The following PAX5 variants were observed in gnomAD, a reference collection of about 807,000 sequenced individuals.
PAX5 encodes the protein paired box protein Pax-5.
In PAX5, 9 loss-of-function variants were observed where a neutral mutation model predicts 43.7. The observed-to-expected ratio is 0.21, with a 90% CI of 0.12 to 0.36. PAX5 has a LOEUF of 0.36. Among genes scored for constraint, PAX5 ranks in the 10% least tolerant of loss-of-function variants. The pLI, the probability that PAX5 is intolerant of heterozygous loss-of-function variation, is 1.00. For synonymous variants in PAX5, 228 were observed against 214.3 expected, an observed-to-expected ratio of 1.06 and a Z score of -0.56; for missense variants, 383 against 532.7, an observed-to-expected ratio of 0.72 and a Z score of 2.77.
intron 2 of PAX5, among the ~76,000 whole-genome samples, chr9:37,017,631 G>T (rs1839493066): frequency 6.6e-6 from 1 of 152,234 alleles, no homozygotes; most frequent in African/African-American, 2.4e-5. Context: ...AGTTGAATGG[G>T]ACTGCAACAT....
chr9:36,893,465 A>G (rs1563939566), intron 7 of PAX5: 1 of 152,800 alleles, frequency 6.5e-6, no homozygotes, highest in Non-Finnish European at 1.5e-5. Flanking sequence ...GTGGGCACAA[A>G]GCCTGTCCCT....
At chr9:36,898,563 A>G (rs3758158) in intron 7 of PAX5, among the ~76,000 whole-genome samples, 1 of 152,344 alleles carries the variant, frequency 6.6e-6, no homozygotes, top group East Asian at 1.9e-4. Flanking sequence ...GAGAATTAAA[A>G]CATGCAATCA....
In PAX5 at chr9:37,033,753, C is replaced by T. The variant is rs373111915; in HGVS notation, c.46+233G>A. 4.6e-5 allele frequency among the ~76,000 whole-genome samples: 7 copies of T among 152,310 alleles called. No individual in the cohort carries two copies. In the East Asian group the frequency reaches 9.6e-4, roughly 21 times the overall value. On this transcript the variant is annotated intron_variant, in intron 1 of 9. Transcript: ENST00000358127. ...CCTAACTTGCAGACCCCCGGAAGGA[C>T]GCCAGCGTGAACATTCAGAAACAGA...
At chr9:36,931,953 G>A (rs1210324189) in intron 6 of PAX5, among the ~76,000 whole-genome samples, 1 of 152,034 alleles carries the variant, frequency 6.6e-6, no homozygotes, top group Non-Finnish European at 1.5e-5. Context: ...CTTTGTGGAT[G>A]TGATAGTGGT....
In PAX5 at chr9:36,835,528, A is replaced by C. The variant is rs1587707091; in HGVS notation, c.*5032T>G. On this transcript the variant is annotated 3_prime_UTR_variant, in exon 10 of 10. Transcript: ENST00000358127. Reference sequence around the variant, plus strand: ...TGTGGTTCCCCCATGAATATGCAAGAGGGAACCCTGAGGTTTGGGGCAACA... The same window carrying C: ...TGTGGTTCCCCCATGAATATGCAAGCGGGAACCCTGAGGTTTGGGGCAACA... The C allele has an allele frequency of 1.7e-5, 4 of 233,052 alleles. No homozygotes were observed. In the East Asian group the frequency reaches 2.4e-4, roughly 14 times the overall value. 14.4% of individuals were successfully genotyped at this position (233,052 alleles called of 1,614,324 possible).
chr9:36,987,595 T>G (rs1261450043), intron 5 of PAX5, among the ~76,000 whole-genome samples: 5 of 152,208 alleles, frequency 3.3e-5, no homozygotes, highest in Non-Finnish European at 5.9e-5. Context: ...AAGCCCCGCC[T>G]TGAAGGCCTT....
At chr9:36,995,467 G>T (rs1344726182) in intron 5 of PAX5, among the ~76,000 whole-genome samples, 3 of 152,250 alleles carry the variant, frequency 2.0e-5, no homozygotes, top group Admixed American at 2.0e-4. Flanking sequence ...TGAGGTCAGT[G>T]CGGGGGGACG....
intron 6 of PAX5, among the ~76,000 whole-genome samples, chr9:36,951,031 T>C (rs1418338018): frequency 1.3e-5 from 2 of 152,150 alleles, no homozygotes; most frequent in African/African-American, 2.4e-5. Flanking sequence ...CGTGAGCCAC[T>C]GCATGAATTT....
chr9:36,834,176 C>G lies in PAX5; in HGVS notation c.*6384G>C, dbSNP rs908239449. Reference sequence around the variant, plus strand: ...CCTCAGCCCAACCTTGGAGGCCCAGCAGCTGGGGCTGAGAAGTGGGGCCCA... The same window carrying G: ...CCTCAGCCCAACCTTGGAGGCCCAGGAGCTGGGGCTGAGAAGTGGGGCCCA... On this transcript the variant is annotated 3_prime_UTR_variant, in exon 10 of 10. Transcript: ENST00000358127. The G allele has an allele frequency of 1.3e-5, 3 of 233,188 alleles. No homozygotes were observed. The highest frequency in any genetic ancestry group is 4.4e-5 in the African/African-American group (2 of 45,342). The allele number at this position is 233,188 out of a possible 1,614,324, so 14.4% of individuals were successfully genotyped here.
chr9:36,838,711 A>G lies in PAX5; in HGVS notation c.*1849T>C. 3 of 233,104 alleles carry G rather than the reference A, an allele frequency of 1.3e-5. No homozygotes were observed. The highest frequency in any genetic ancestry group is 1.3e-3 in the Middle Eastern group (1 of 786). The allele number at this position is 233,104 out of a possible 1,614,324, so 14.4% of individuals were successfully genotyped here. On this transcript the variant is annotated 3_prime_UTR_variant, in exon 10 of 10. Coordinates refer to ENST00000358127, the MANE Select transcript of PAX5 (RefSeq NM_016734.3). The stretch of plus-strand genomic sequence containing the variant: ...TGCCCACCCCCATCTGCTTGCTTGG[A>G]AGTGGAGGGCCTGCCCCAGATGATC...
chr9:37,033,837 G>T (rs1293862423), intron 1 of PAX5, 149 bp downstream of exon 1: 12 of 672,046 alleles, frequency 1.8e-5, no homozygotes, highest in Non-Finnish European at 3.0e-5. Context: ...TGAACAGATA[G>T]GTGAAAAAAC....
At chr9:36,909,150 T>C (rs1013333067) in intron 7 of PAX5, among the ~76,000 whole-genome samples, 1 of 152,190 alleles carries the variant, frequency 6.6e-6, no homozygotes. Flanking sequence ...TCTATAATTG[T>C]GAGTCTATTT....
chr9:36,936,398 A>G (rs540037034), intron 6 of PAX5, among the ~76,000 whole-genome samples: 19 of 152,284 alleles, frequency 1.2e-4, no homozygotes, highest in Admixed American at 3.9e-4. Context: ...CCAGGGACAA[A>G]GCTCCATCTC....
chr9:36,926,922 C>T lies in PAX5; in HGVS notation c.781-3438G>A, dbSNP rs566216294. 1.2e-4 allele frequency among the ~76,000 whole-genome samples: 18 copies of T among 152,146 alleles called. No homozygotes were observed. In the East Asian group the frequency reaches 3.3e-3, roughly 28 times the overall value. On this transcript the variant is annotated intron_variant, in intron 6 of 9. Transcript: ENST00000358127. ...CACAGAGTCATTAATGTATATGGGG[C>T]GTGAAGTGGTCAGGAAGGGTTTCTT... is the stretch of plus-strand genomic sequence containing the variant.
chr9:36,981,114 A>C (rs1338901482), intron 5 of PAX5, among the ~76,000 whole-genome samples: 7 of 140,402 alleles, frequency 5.0e-5, no homozygotes, highest in African/African-American at 8.1e-5. Flanking sequence ...TGCCTGGCTC[A>C]CTCCTCCCTC....
intron 5 of PAX5, among the ~76,000 whole-genome samples, chr9:36,996,758 A>G (rs1837427888): frequency 1.3e-5 from 2 of 152,194 alleles, no homozygotes; most frequent in African/African-American, 2.4e-5. Context: ...GCTCCCGTGG[A>G]GGTCTGCTGG....
At chr9:36,913,113 T>G (rs1829440227) in intron 7 of PAX5, among the ~76,000 whole-genome samples, 1 of 152,232 alleles carries the variant, frequency 6.6e-6, no homozygotes, top group African/African-American at 2.4e-5. Context: ...CTCCAAACAT[T>G]GAACCTGAGG....
chr9:37,034,104 T>TTTTC lies in PAX5; in HGVS notation c.-74_-73insGAAA. ...TTTTTGTGCCTTTTTTTTTCTTTTTTTTTTTTTTTTTTTTTTTTTTTTGGT... is the reference window on the plus strand; with the variant it reads ...TTTTTGTGCCTTTTTTTTTCTTTTTTTTTCTTTTTTTTTTTTTTTTTTTTTTGGT... On this transcript the variant is annotated 5_prime_UTR_variant, in exon 1 of 10. Transcript: ENST00000358127. 3.1e-6 allele frequency: 2 copies of TTTTC among 645,028 alleles called. No individual in the cohort carries two copies. 40.0% of individuals were successfully genotyped at this position (645,028 alleles called of 1,614,324 possible).
intron 8 of PAX5, among the ~76,000 whole-genome samples, chr9:36,873,785 A>C (rs1436191640): frequency 6.6e-6 from 1 of 152,170 alleles, no homozygotes; most frequent in African/African-American, 2.4e-5. Flanking sequence ...GCCCATTCCA[A>C]TGTCTTCAGT....
Sources: allele counts gnomAD v4.1 joint callset (sites outside exome capture counted in the v4.1 genomes callset), GRCh38; gene constraint gnomAD v4.1.1; transcripts MANE v1.5; gene names NCBI Gene and HGNC (gene_info 2026-07-23, HGNC 2026-07-21).